The following CDCP1 variants were observed in gnomAD, a reference collection of about 807,000 sequenced individuals.
CDCP1 encodes the protein CUB domain containing protein 1, also known as CUB domain-containing protein 1.
CDCP1 carries 29 observed loss-of-function variants against 60.2 expected under a neutral mutation model. That is an observed-to-expected ratio of 0.48 (90% CI 0.36 to 0.66). The LOEUF (loss-of-function observed/expected upper bound fraction) is 0.66. Among genes scored for constraint, CDCP1 ranks in the 30% least tolerant of loss-of-function variants. The pLI, the probability that CDCP1 is intolerant of heterozygous loss-of-function variation, is 0.00. For missense variants in CDCP1, 876 were observed against 1,074.3 expected, an observed-to-expected ratio of 0.82 and a Z score of 2.58; for synonymous variants, 387 against 431.1, an observed-to-expected ratio of 0.90 and a Z score of 1.27.
intron 2 of CDCP1, 72 bp downstream of exon 2, chr3:45,118,340 T>G: frequency 8.9e-7 from 1 of 1,125,802 alleles, no homozygotes; most frequent in South Asian, 1.3e-5. Flanking sequence ...TGACTTAGCA[T>G]GGGAAAGACA....
At chr3:45,141,739 G>C (rs1018203435) in intron 1 of CDCP1, among the ~76,000 whole-genome samples, 3 of 152,172 alleles carry the variant, frequency 2.0e-5, no homozygotes, top group African/African-American at 7.2e-5. Flanking sequence ...CCAGCTGCCC[G>C]GGAGATGAAA....
intron 4 of CDCP1, among the ~76,000 whole-genome samples, chr3:45,105,460 CAG>C (rs71756569): frequency 0.056 from 8,468 of 152,236 alleles, 251 homozygotes; most frequent in Middle Eastern, 0.078. Flanking sequence ...AGCATTCACC[CAG>C]AGTGGTTAAC....
rs974714581 is a variant in CDCP1 at position 45,091,850 on chromosome 3, G to A, written c.1628-312C>T. Among the ~76,000 whole-genome samples, 1 of 152,194 alleles carries A rather than the reference G, an allele frequency of 6.6e-6. No homozygotes were observed. The highest frequency in any genetic ancestry group is 6.5e-5 in the Admixed American group (1 of 15,286). ...TGCCCAGGCTAGAGTGCAGTGGCAC[G>A]ATCTCGGCTCACTGCAAACTGCAAC... On this transcript the variant is annotated intron_variant, in intron 6 of 8. Transcript: ENST00000296129. This position sits in a 1 kb window ranked among gnomAD's most constrained non-coding sequence, Gnocchi z 4.8.
rs376121038 is a variant in CDCP1, at chr3:45,112,267, G to A, written c.471C>T (p.Asp157=). The part of the protein sequence containing the change: ...RQIGPGESCP[D]GVTHSISGRI... ...GGCCGCTGATGGAGTGAGTGACTCC[G>A]TCTGGGCAGCTCTCACCCGGACCGA... is the stretch of plus-strand genomic sequence containing the variant. Residue 157 remains aspartate, a synonymous_variant, in exon 3 of 9, where the codon GAC becomes GAT. Transcript: ENST00000296129. The A allele has an allele frequency of 1.2e-5, 20 of 1,614,076 alleles. No individual in the cohort carries two copies. Among genetic ancestry groups the A allele is most frequent in the African/African-American group, 4.0e-5 (3 of 74,918 alleles).
At chr3:45,097,547 C>G (rs1461890421) in intron 4 of CDCP1, among the ~76,000 whole-genome samples, 1 of 150,664 alleles carries the variant, frequency 6.6e-6, no homozygotes, top group African/African-American at 2.4e-5. Flanking sequence ...TAGGAAGGCG[C>G]CTGTGCAAAG....
chr3:45,118,083 C>T (rs1407190153), intron 2 of CDCP1, among the ~76,000 whole-genome samples: 1 of 152,174 alleles, frequency 6.6e-6, no homozygotes, highest in Admixed American at 6.5e-5. Flanking sequence ...CCTGAAGAGC[C>T]TATGTGCACA....
At chr3:45,109,021 T>C (rs1295179050) in intron 4 of CDCP1, among the ~76,000 whole-genome samples, 14 of 144,624 alleles carry the variant, frequency 9.7e-5, no homozygotes, top group Non-Finnish European at 1.4e-4. Flanking sequence ...CCAATCTCGG[T>C]TCACTGCAAC....
chr3:45,118,668 C>A, intron 1 of CDCP1, 47 bp from the exon 2 acceptor site: 1 of 1,518,100 alleles, frequency 6.6e-7, no homozygotes, highest in Non-Finnish European at 9.1e-7. Context: ...TTTAGGTCTG[C>A]AAACTGCTGT....
At chr3:45,145,956 A>G (rs1699377120) in intron 1 of CDCP1, among the ~76,000 whole-genome samples, 1 of 151,322 alleles carries the variant, frequency 6.6e-6, no homozygotes, top group Non-Finnish European at 1.5e-5. Context: ...GATCGGGGAC[A>G]CTCTCACGTG....
intron 4 of CDCP1, among the ~76,000 whole-genome samples, chr3:45,108,951 A>ATTTTTTTTTTTTTT (rs1232293607): frequency 4.0e-5 from 1 of 25,080 alleles, no homozygotes; most frequent in African/African-American, 1.4e-4. Context: ...ATATATATAT[A>ATTTTTTTTTTTTTT]TATTTTTTTT....
At chr3:45,134,284 C>G (rs995911865) in intron 1 of CDCP1, among the ~76,000 whole-genome samples, 1 of 152,200 alleles carries the variant, frequency 6.6e-6, no homozygotes, top group Non-Finnish European at 1.5e-5. Context: ...GCCACCACAC[C>G]CAGCTAATTT....
At chr3:45,097,652 AAGG>A (rs1382277918) in intron 4 of CDCP1, among the ~76,000 whole-genome samples, 1 of 152,206 alleles carries the variant, frequency 6.6e-6, no homozygotes, top group Middle Eastern at 3.2e-3. Context: ...TATTTCCAAA[AAGG>A]CCTGCTAAAC....
chr3:45,130,346 C>A (rs1010545560), intron 1 of CDCP1, among the ~76,000 whole-genome samples: 5 of 152,132 alleles, frequency 3.3e-5, no homozygotes, highest in Non-Finnish European at 7.4e-5. Context: ...GTCTTGAACT[C>A]CTGGGCTCAA....
chr3:45,146,043 G>T (rs556631375), intron 1 of CDCP1, among the ~76,000 whole-genome samples, 163 bp downstream of exon 1: 3 of 152,004 alleles, frequency 2.0e-5, no homozygotes, highest in Admixed American at 6.5e-5. Context: ...ACAGTCCGGG[G>T]GTCCCGGAGC....
intron 7 of CDCP1, 71 bp from the exon 8 acceptor site, chr3:45,089,212 C>A: frequency 8.0e-7 from 1 of 1,257,008 alleles, no homozygotes; most frequent in Non-Finnish European, 1.2e-6. Context: ...CTTGAGGCAT[C>A]TCCAAAAGCA....
intron 2 of CDCP1, 76 bp from the exon 3 acceptor site, chr3:45,112,521 C>A: frequency 1.3e-6 from 2 of 1,553,988 alleles, no homozygotes; most frequent in African/African-American, 2.7e-5. Context: ...CACCACTCAG[C>A]CCCCTGTAGT....
chr3:45,133,782 G>A (rs1308716240), intron 1 of CDCP1, among the ~76,000 whole-genome samples: 1 of 149,404 alleles, frequency 6.7e-6, no homozygotes, highest in Non-Finnish European at 1.5e-5. Flanking sequence ...TCTCCCTAGC[G>A]TGGGCCCTTC....
intron 8 of CDCP1, 26 bp downstream of exon 8, chr3:45,089,028 T>C (rs1698246423): frequency 6.3e-7 from 1 of 1,578,218 alleles, no homozygotes; most frequent in African/African-American, 1.3e-5. Flanking sequence ...TCAAATCAGA[T>C]AAAGAGAGTA....
rs1698158043 is a variant in CDCP1 at position 45,084,652 on chromosome 3, G to A, written c.*986C>T. On this transcript the variant is annotated 3_prime_UTR_variant, in exon 9 of 9. Coordinates refer to ENST00000296129, the MANE Select transcript of CDCP1 (RefSeq NM_022842.5). ...CTGCTGACACCTTGATTTTCATTCA[G>A]GGACATCCATTTTGGAATTCTGATC... is the stretch of plus-strand genomic sequence containing the variant. The A allele has an allele frequency of 6.6e-6, 1 of 152,526 alleles. No individual in the cohort carries two copies. 9.4% of individuals were successfully genotyped at this position (152,526 alleles called of 1,614,324 possible).
Sources: allele counts gnomAD v4.1 joint callset (sites outside exome capture counted in the v4.1 genomes callset), GRCh38; gene constraint gnomAD v4.1.1; non-coding constraint Gnocchi (gnomAD v3.1); transcripts MANE v1.5; gene names NCBI Gene and HGNC (gene_info 2026-07-23, HGNC 2026-07-21).